SDK1: variants seen among roughly 807,000 people sequenced by gnomAD.
SDK1 encodes the protein protein sidekick-1.
Under a neutral mutation model 245.5 loss-of-function variants are expected in SDK1, and 157 were observed. The ratio of observed to expected loss-of-function variants is 0.64; its 90% CI spans 0.56 to 0.73. The LOEUF (loss-of-function observed/expected upper bound fraction) is 0.73. SDK1 is among the 30% of genes least tolerant of loss of function. The pLI is 0.00. For missense variants in SDK1, 3,583 were observed against 3,002.3 expected, an observed-to-expected ratio of 1.19 and a Z score of -4.52; for synonymous variants, 1,647 against 1,278.5, an observed-to-expected ratio of 1.29 and a Z score of -6.15.
In SDK1 at chr7:3,328,001, C is replaced by T. The variant is rs941592107; in HGVS notation, c.298+26117C>T. 2.6e-5 allele frequency among the ~76,000 whole-genome samples: 4 copies of T among 152,042 alleles called. No homozygotes were observed. In the East Asian group the frequency reaches 5.8e-4, roughly 22 times the overall value. On this transcript the variant is annotated intron_variant, in intron 1 of 44. Coordinates refer to ENST00000404826, the MANE Select transcript of SDK1 (RefSeq NM_152744.4). Reference sequence around the variant, plus strand: ...GAATGATAGTGCTTTTCCTGTTTGTCCCTCTGGAGGCTGTGAAAATTAGAT... The same window carrying T: ...GAATGATAGTGCTTTTCCTGTTTGTTCCTCTGGAGGCTGTGAAAATTAGAT...
chr7:4,268,156 G>A lies in SDK1; in HGVS notation c.*2772G>A. 1 of 986,982 alleles carries A rather than the reference G, an allele frequency of 1.0e-6. No homozygotes were observed. Among genetic ancestry groups the A allele is most frequent in the Non-Finnish European group, 1.2e-6 (1 of 830,948 alleles). 61.1% of individuals were successfully genotyped at this position (986,982 alleles called of 1,614,324 possible). A position where few individuals can be genotyped will look rare whatever the true frequency, so the allele number is the denominator to read the frequency against. On this transcript the variant is annotated 3_prime_UTR_variant, in exon 45 of 45. Transcript: ENST00000404826. ...CATGCCTTGCGGATGCCTCATGACAGCAGTGGCTGAGTCTCCCCACCCACC... is the reference window on the plus strand; with the variant it reads ...CATGCCTTGCGGATGCCTCATGACAACAGTGGCTGAGTCTCCCCACCCACC...
intron 1 of SDK1, among the ~76,000 whole-genome samples, chr7:3,441,500 T>G (rs1384237931): frequency 6.6e-6 from 1 of 152,222 alleles, no homozygotes; most frequent in African/African-American, 2.4e-5. Context: ...CCTATTCACT[T>G]TCTTGGAAAT....
chr7:3,595,846 A>C (rs927705829), intron 1 of SDK1, among the ~76,000 whole-genome samples: 3 of 150,036 alleles, frequency 2.0e-5, no homozygotes, highest in Non-Finnish European at 3.0e-5. Context: ...AAAAAAAAAA[A>C]AAAAAAAAAA....
intron 1 of SDK1, among the ~76,000 whole-genome samples, chr7:3,396,922 T>C (rs1405655652): frequency 6.6e-6 from 1 of 151,736 alleles, no homozygotes; most frequent in African/African-American, 2.4e-5. Context: ...GTTATATATT[T>C]TTTGTTCCTT....
At chr7:3,393,577 G>A (rs1293819799) in intron 1 of SDK1, among the ~76,000 whole-genome samples, 1 of 152,188 alleles carries the variant, frequency 6.6e-6, no homozygotes, top group Non-Finnish European at 1.5e-5. Context: ...ATTATTCGCA[G>A]ATCAGAATAC....
intron 35 of SDK1, among the ~76,000 whole-genome samples, chr7:4,189,515 C>T (rs961850937): frequency 1.3e-5 from 2 of 152,168 alleles, no homozygotes; most frequent in Non-Finnish European, 2.9e-5. Flanking sequence ...CAACTTTCAC[C>T]AAAAACAGAA....
chr7:3,906,175 A>G (rs558677389), intron 5 of SDK1, among the ~76,000 whole-genome samples: 3 of 152,154 alleles, frequency 2.0e-5, no homozygotes, highest in Admixed American at 6.5e-5. Context: ...TTTAATTCCA[A>G]TGACTATATT....
chr7:4,124,247 G>A (rs141867002), intron 25 of SDK1, among the ~76,000 whole-genome samples: 1 of 152,342 alleles, frequency 6.6e-6, no homozygotes, highest in East Asian at 1.9e-4. Flanking sequence ...CAAACGGGGT[G>A]GCTTAAATGA....
In SDK1 at chr7:4,205,930, A is replaced by G; in HGVS notation, c.5150A>G (p.Gln1717Arg). 1 of 1,563,424 alleles carries G rather than the reference A, an allele frequency of 6.4e-7. No individual in the cohort carries two copies. Among genetic ancestry groups the G allele is most frequent in the Non-Finnish European group, 8.7e-7 (1 of 1,153,202 alleles). Residue 1717 changes from glutamine (Q) to arginine (R), a missense_variant, in exon 36 of 45, where the codon CAG (glutamine) becomes CGG (arginine). Transcript: ENST00000404826. ...NVQVTPLTAS[Q>R]LEVTWDPPPP... ...CAGGTGACCCCACTCACGGCCAGCCAGCTGGAGGTCACGTGGGACCCACCA... is the reference window on the plus strand; with the variant it reads ...CAGGTGACCCCACTCACGGCCAGCCGGCTGGAGGTCACGTGGGACCCACCA...
At chr7:3,996,041 A>C (rs1243274180) in intron 14 of SDK1, among the ~76,000 whole-genome samples, 1 of 152,068 alleles carries the variant, frequency 6.6e-6, no homozygotes, top group African/African-American at 2.4e-5. Flanking sequence ...ATAAAGGTTT[A>C]ATTTTTAATA....
At chr7:4,023,402 G>C (rs569210701) in intron 17 of SDK1, among the ~76,000 whole-genome samples, 2 of 152,194 alleles carry the variant, frequency 1.3e-5, no homozygotes, top group Non-Finnish European at 2.9e-5. Context: ...TTTCTGAGGG[G>C]TGAGAGGAAA....
rs141660003 is a variant in SDK1, at chr7:3,516,284, A to C, written c.299-102796A>C. Among the ~76,000 whole-genome samples the C allele has an allele frequency of 1.4e-4, 21 of 152,098 alleles. No homozygotes were observed. In the East Asian group the frequency reaches 3.9e-3, roughly 28 times the overall value. Reference sequence around the variant, plus strand: ...TCAATTTATAATACACATATATACTATGTTTACTTATACATGCAGCTGTAG... The same window carrying C: ...TCAATTTATAATACACATATATACTCTGTTTACTTATACATGCAGCTGTAG... On this transcript the variant is annotated intron_variant, in intron 1 of 44. Coordinates refer to ENST00000404826, the MANE Select transcript of SDK1 (RefSeq NM_152744.4).
intron 1 of SDK1, among the ~76,000 whole-genome samples, chr7:3,552,337 A>G (rs752625874): frequency 1.3e-5 from 2 of 152,114 alleles, no homozygotes; most frequent in African/African-American, 4.8e-5. Flanking sequence ...CACCGCGCCC[A>G]GCTGATTTTA....
chr7:3,801,226 G>A (rs1779098715), intron 4 of SDK1, among the ~76,000 whole-genome samples: 2 of 152,172 alleles, frequency 1.3e-5, no homozygotes, highest in African/African-American at 4.8e-5. Context: ...ATAGCTGAAT[G>A]TAATATTTCA....
chr7:3,544,536 T>G (rs1779156130), intron 1 of SDK1, among the ~76,000 whole-genome samples: 1 of 152,270 alleles, frequency 6.6e-6, no homozygotes, highest in East Asian at 1.9e-4. Flanking sequence ...GTTGGCCTAA[T>G]GATGCCCCAA....
chr7:3,958,106 C>G (rs944009094), intron 7 of SDK1: 1 of 429,928 alleles, frequency 2.3e-6, no homozygotes, highest in Non-Finnish European at 4.7e-6. Context: ...CCACATTCAA[C>G]ACAATTATAA....
chr7:3,992,026 G>A (rs1007376629), intron 14 of SDK1, among the ~76,000 whole-genome samples: 4 of 152,220 alleles, frequency 2.6e-5, no homozygotes, highest in Non-Finnish European at 5.9e-5. Flanking sequence ...GCACTAAATA[G>A]CGCCATCTAC....
intron 1 of SDK1, among the ~76,000 whole-genome samples, chr7:3,411,741 C>G (rs1332922622): frequency 6.6e-6 from 1 of 152,052 alleles, no homozygotes; most frequent in African/African-American, 2.4e-5. Context: ...TGTGTCTAGT[C>G]TCTCCACAAT....
chr7:3,813,098 TTTTA>T lies in SDK1; in HGVS notation c.714-8332_714-8329del, dbSNP rs898422143. On this transcript the variant is annotated intron_variant, in intron 4 of 44. Transcript: ENST00000404826. ...CAAAACTACTTGAAAGCAATTTTAT[TTTTA>T]TTTATTTATTTATTTATTTTTATTA... 3.8e-3 allele frequency among the ~76,000 whole-genome samples: 583 copies of T among 152,170 alleles called. 5 individuals carry two copies. Among genetic ancestry groups the T allele is most frequent in the African/African-American group, 0.013 (559 of 41,524 alleles).
Sources: gnomAD v4.1 joint callset for allele counts (sites outside exome capture counted in the v4.1 genomes callset) on GRCh38, gnomAD v4.1.1 for gene constraint, MANE v1.5 for transcripts, NCBI Gene and HGNC (gene_info 2026-07-23, HGNC 2026-07-21) for gene names.